The following ATG5 variants were observed in gnomAD, a reference collection of about 807,000 sequenced individuals.
The protein encoded by ATG5 is autophagy protein 5.
Under a neutral mutation model 36.5 loss-of-function variants are expected in ATG5, and 14 were observed. That is an observed-to-expected ratio of 0.38 (90% CI 0.25 to 0.60). The LOEUF is 0.60. Ranked by LOEUF, ATG5 falls within the 20% of genes least tolerant of loss-of-function variation. The pLI is 0.60. For synonymous variants in ATG5, 95 were observed against 101.5 expected, an observed-to-expected ratio of 0.94 and a Z score of 0.38; for missense variants, 195 against 326.7, an observed-to-expected ratio of 0.60 and a Z score of 3.11.
chr6:106,204,082 T>G (rs1646531724), intron 6 of ATG5, among the ~76,000 whole-genome samples: 1 of 150,412 alleles, frequency 6.6e-6, no homozygotes, highest in South Asian at 2.1e-4. Context: ...TGTCGGGGAG[T>G]AGGGGGCTAG....
chr6:106,295,462 A>G (rs574951346), intron 3 of ATG5, among the ~76,000 whole-genome samples: 1 of 152,360 alleles, frequency 6.6e-6, no homozygotes, highest in African/African-American at 2.4e-5. Context: ...AGTGTTTTAC[A>G]TATTCCCTGC....
intron 5 of ATG5, among the ~76,000 whole-genome samples, chr6:106,278,220 G>A (rs1167269701): frequency 6.6e-6 from 1 of 152,134 alleles, no homozygotes; most frequent in African/African-American, 2.4e-5. Flanking sequence ...TGGGATTACA[G>A]GAATGAGCCA....
intron 6 of ATG5, among the ~76,000 whole-genome samples, chr6:106,210,292 A>G (rs1238733511): frequency 6.6e-6 from 1 of 152,250 alleles, no homozygotes; most frequent in Non-Finnish European, 1.5e-5. Context: ...AGTAATGTTT[A>G]TAATACTGGA....
At chr6:106,303,532 T>C (rs1041862502) in intron 3 of ATG5, among the ~76,000 whole-genome samples, 1 of 151,964 alleles carries the variant, frequency 6.6e-6, no homozygotes, top group African/African-American at 2.4e-5. Flanking sequence ...AGAAAATACA[T>C]CAGAACAGAA....
intron 4 of ATG5, among the ~76,000 whole-genome samples, chr6:106,288,669 A>T (rs1052111661): frequency 3.9e-5 from 6 of 152,246 alleles, no homozygotes; most frequent in Admixed American, 6.5e-5. Context: ...TTACCTATGC[A>T]CTTGTAAGAA....
At chr6:106,255,439 GGAAATTTAAA>G (rs1221327974) in intron 5 of ATG5, among the ~76,000 whole-genome samples, 2 of 152,012 alleles carry the variant, frequency 1.3e-5, no homozygotes, top group African/African-American at 4.8e-5. Flanking sequence ...ACTACTGCTT[GGAAATTTAAA>G]GAAAATTAAT....
At chr6:106,318,621 T>C (rs1770949737) in intron 1 of ATG5, among the ~76,000 whole-genome samples, 1 of 152,222 alleles carries the variant, frequency 6.6e-6, no homozygotes, top group African/African-American at 2.4e-5. Context: ...GTATATTTTT[T>C]GCAAGACCTC....
chr6:106,300,732 A>G (rs1770175940), intron 3 of ATG5, among the ~76,000 whole-genome samples: 1 of 152,120 alleles, frequency 6.6e-6, no homozygotes, highest in South Asian at 2.1e-4. Flanking sequence ...CTAAACACAG[A>G]AAGGATACTA....
chr6:106,202,997 A>G (rs566223021), intron 6 of ATG5, among the ~76,000 whole-genome samples: 1 of 152,272 alleles, frequency 6.6e-6, no homozygotes, highest in South Asian at 2.1e-4. Flanking sequence ...TGAGAGAGAG[A>G]CAGAGAGAGA....
intron 6 of ATG5, among the ~76,000 whole-genome samples, chr6:106,215,840 T>C (rs1777016030): frequency 6.6e-6 from 1 of 152,114 alleles, no homozygotes; most frequent in Admixed American, 6.5e-5. Context: ...TGGGACAAAA[T>C]ATTTGCAAAC....
At chr6:106,285,282 T>A (rs1049638670) in intron 4 of ATG5, among the ~76,000 whole-genome samples, 2 of 152,240 alleles carry the variant, frequency 1.3e-5, no homozygotes, top group African/African-American at 4.8e-5. Context: ...ACTGAATTTA[T>A]AATAGTTGCT....
chr6:106,291,170 C>T (rs1054587706), intron 4 of ATG5, among the ~76,000 whole-genome samples: 2 of 152,182 alleles, frequency 1.3e-5, no homozygotes, highest in Non-Finnish European at 2.9e-5. Flanking sequence ...ATTTGGCATG[C>T]AACAGAGGAG....
chr6:106,285,941 C>T (rs1780060018), intron 4 of ATG5, among the ~76,000 whole-genome samples: 1 of 152,216 alleles, frequency 6.6e-6, no homozygotes, highest in Admixed American at 6.5e-5. Context: ...CATGGCCTTT[C>T]TGGCATCTCA....
chr6:106,224,049 C>A (rs1426248568), intron 6 of ATG5, among the ~76,000 whole-genome samples: 1 of 152,160 alleles, frequency 6.6e-6, no homozygotes, highest in Admixed American at 6.5e-5. Context: ...ATATGAAGGG[C>A]TGGGGCATAT....
intron 5 of ATG5, among the ~76,000 whole-genome samples, chr6:106,256,622 C>T (rs756570202): frequency 6.6e-6 from 1 of 151,886 alleles, no homozygotes; most frequent in Non-Finnish European, 1.5e-5. Flanking sequence ...TACTACACAA[C>T]TAGGCTATAT....
chr6:106,305,830 G>A (rs951667894), intron 3 of ATG5, among the ~76,000 whole-genome samples: 5 of 152,178 alleles, frequency 3.3e-5, no homozygotes, highest in Non-Finnish European at 7.3e-5. Flanking sequence ...CTATTTCCAG[G>A]AAGATACATT....
intron 6 of ATG5, among the ~76,000 whole-genome samples, chr6:106,230,494 T>C (rs1390342446): frequency 6.6e-6 from 1 of 151,976 alleles, no homozygotes; most frequent in African/African-American, 2.4e-5. Flanking sequence ...GGAAAAGGGG[T>C]GAGGGCTGCT....
intron 1 of ATG5, among the ~76,000 whole-genome samples, chr6:106,317,120 G>A (rs969810892): frequency 6.6e-6 from 1 of 152,140 alleles, no homozygotes; most frequent in African/African-American, 2.4e-5. Flanking sequence ...TAATATCCAA[G>A]TGCCTTCCAA....
intron 1 of ATG5, among the ~76,000 whole-genome samples, chr6:106,324,227 T>C (rs762947793): frequency 6.6e-6 from 1 of 152,256 alleles, no homozygotes; most frequent in African/African-American, 2.4e-5. Flanking sequence ...ATGTATAGAC[T>C]CTTTTTTGTC....
Sources: gnomAD v4.1 joint callset for allele counts (sites outside exome capture counted in the v4.1 genomes callset) on GRCh38, gnomAD v4.1.1 for gene constraint, MANE v1.5 for transcripts, NCBI Gene and HGNC (gene_info 2026-07-23, HGNC 2026-07-21) for gene names.